Variants in MACROD2 observed in about 807,000 individuals in gnomAD.
The protein encoded by MACROD2 is mono-ADP ribosylhydrolase 2, also known as ADP-ribose glycohydrolase MACROD2.
A neutral mutation model predicts 70.4 loss-of-function variants in MACROD2; 36 were observed. The observed-to-expected ratio is 0.51, with a 90% CI of 0.39 to 0.68. MACROD2 has a LOEUF of 0.68. Ranked by LOEUF, MACROD2 falls within the 30% of genes least tolerant of loss-of-function variation. MACROD2 has a pLI of 0.00. For missense variants in MACROD2, 496 were observed against 538.4 expected, an observed-to-expected ratio of 0.92 and a Z score of 0.78; for synonymous variants, 172 against 178.8, an observed-to-expected ratio of 0.96 and a Z score of 0.30.
chr20:14,181,026 A>C (rs2081300995), intron 3 of MACROD2, among the ~76,000 whole-genome samples: 1 of 151,706 alleles, frequency 6.6e-6, no homozygotes, highest in African/African-American at 2.4e-5. Flanking sequence ...CTGTAGTTTC[A>C]GTTAATTAAT....
At chr20:15,500,114 T>A (rs1047322378) in intron 8 of MACROD2, among the ~76,000 whole-genome samples, 4 of 152,130 alleles carry the variant, frequency 2.6e-5, no homozygotes, top group Non-Finnish European at 4.4e-5. Context: ...ATAGTATGGG[T>A]TATATGTGTG....
intron 2 of MACROD2, among the ~76,000 whole-genome samples, chr20:14,058,246 A>G (rs148077283): frequency 1.3e-5 from 2 of 152,262 alleles, no homozygotes; most frequent in Non-Finnish European, 2.9e-5. Flanking sequence ...AGCAAAAAAT[A>G]CTGCTTTAGT....
intron 8 of MACROD2, among the ~76,000 whole-genome samples, chr20:15,579,497 G>A (rs935095492): frequency 1.3e-5 from 2 of 152,128 alleles, no homozygotes; most frequent in Non-Finnish European, 2.9e-5. Flanking sequence ...GCTAGGCACA[G>A]CATTTCATAT....
intron 3 of MACROD2, chr20:14,327,066 C>T: frequency 6.2e-7 from 1 of 1,613,736 alleles, no homozygotes; most frequent in Non-Finnish European, 8.5e-7. Context: ...GGAATGCTCC[C>T]TCTTCTATGC....
chr20:15,750,322 G>A lies in MACROD2; in HGVS notation c.646-112423G>A, dbSNP rs561906445. 2.4e-4 allele frequency among the ~76,000 whole-genome samples: 36 copies of A among 152,086 alleles called. No individual in the cohort carries two copies. In the East Asian group the frequency reaches 6.6e-3, roughly 28 times the overall value. On this transcript the variant is annotated intron_variant, in intron 8 of 17. Transcript: ENST00000684519. ...GATACCACCTCACTCCAGTGAGAAT[G>A]GCTATAATTAAAAATACTTTTTAAA...
At chr20:14,142,974 C>T (rs756549794) in intron 3 of MACROD2, among the ~76,000 whole-genome samples, 28 of 152,136 alleles carry the variant, frequency 1.8e-4, no homozygotes, top group Non-Finnish European at 3.4e-4. Context: ...TGCACACACA[C>T]GAAATATAAT....
chr20:14,956,394 A>G (rs1326516317), intron 5 of MACROD2, among the ~76,000 whole-genome samples: 2 of 152,210 alleles, frequency 1.3e-5, no homozygotes, highest in East Asian at 3.8e-4. Context: ...CACGTGAAAT[A>G]AATTAGCCCT....
chr20:14,619,431 A>G (rs1186173969), intron 4 of MACROD2, among the ~76,000 whole-genome samples: 1,341 of 5,438 alleles, frequency 0.25, 145 homozygotes, highest in African/African-American at 0.43. Flanking sequence ...GGAAGGAAGG[A>G]AGGGAGGGAG....
chr20:16,045,216 G>T (rs1480158702), intron 17 of MACROD2, among the ~76,000 whole-genome samples: 6 of 152,048 alleles, frequency 3.9e-5, no homozygotes, highest in Non-Finnish European at 7.4e-5. Context: ...GGTTTGTTAC[G>T]TTGAATGAGC....
intron 5 of MACROD2, among the ~76,000 whole-genome samples, chr20:15,096,445 AAT>A (rs1491405274): frequency 1.5e-5 from 2 of 137,752 alleles, no homozygotes; most frequent in African/African-American, 2.6e-5. Context: ...ATCCCATGCT[AAT>A]ATATATATAA....
At chr20:15,312,517 T>C (rs983752527) in intron 6 of MACROD2, among the ~76,000 whole-genome samples, 51 of 152,322 alleles carry the variant, frequency 3.3e-4, no homozygotes, top group African/African-American at 1.2e-3. Flanking sequence ...TGTATGCTTT[T>C]TCTACGTTTG....
chr20:15,328,919 A>G (rs1568725279), intron 6 of MACROD2, among the ~76,000 whole-genome samples: 1 of 152,142 alleles, frequency 6.6e-6, no homozygotes, highest in Non-Finnish European at 1.5e-5. Context: ...TATATATAAA[A>G]TAGTGATAAA....
intron 5 of MACROD2, among the ~76,000 whole-genome samples, chr20:15,190,739 A>T (rs1218524958): frequency 6.6e-6 from 1 of 152,184 alleles, no homozygotes; most frequent in Admixed American, 6.5e-5. Flanking sequence ...AAGGGTGCAC[A>T]GGAGGCCTTA....
intron 2 of MACROD2, among the ~76,000 whole-genome samples, chr20:14,062,757 TTTAAAG>T (rs1430926144): frequency 6.6e-6 from 1 of 151,970 alleles, no homozygotes; most frequent in Non-Finnish European, 1.5e-5. Flanking sequence ...TGACTTAGAG[TTTAAAG>T]TTAGAGGAGT....
intron 8 of MACROD2, among the ~76,000 whole-genome samples, chr20:15,555,828 CAAAAAAAAAAAAA>C (rs397838341): frequency 5.4e-5 from 1 of 18,566 alleles, no homozygotes; most frequent in African/African-American, 1.7e-4. Context: ...GACTCCATCT[CAAAAAAAAAAAAA>C]AAAAAAAAAA....
At chr20:15,327,928 A>C (rs1328466000) in intron 6 of MACROD2, among the ~76,000 whole-genome samples, 3 of 152,138 alleles carry the variant, frequency 2.0e-5, no homozygotes, top group African/African-American at 7.2e-5. Flanking sequence ...TCAGTTAATG[A>C]AACAGAATTA....
intron 4 of MACROD2, among the ~76,000 whole-genome samples, chr20:14,585,546 GA>G (rs1244638307): frequency 4.0e-5 from 6 of 151,784 alleles, no homozygotes; most frequent in Non-Finnish European, 7.4e-5. Flanking sequence ...TATATAATGG[GA>G]TATATTATAT....
rs571302524 is a variant in MACROD2 at position 14,276,269 on chromosome 20, C to T, written c.271+190541C>T. Among the ~76,000 whole-genome samples, 7 of 150,866 alleles carry T rather than the reference C, an allele frequency of 4.6e-5. No individual in the cohort carries two copies. In the South Asian group the frequency reaches 8.4e-4, roughly 18 times the overall value. ...TAGACTGGATTAAGAAAATGTGGCACATATACACCATGGAATACTATGCAG... is the reference window on the plus strand; with the variant it reads ...TAGACTGGATTAAGAAAATGTGGCATATATACACCATGGAATACTATGCAG... On this transcript the variant is annotated intron_variant, in intron 3 of 17. Coordinates refer to ENST00000684519, the MANE Select transcript of MACROD2 (RefSeq NM_001351661.2).
intron 15 of MACROD2, among the ~76,000 whole-genome samples, chr20:16,005,024 C>A (rs2066768842): frequency 6.6e-6 from 1 of 152,194 alleles, no homozygotes; most frequent in African/African-American, 2.4e-5. Flanking sequence ...TACAGTCATT[C>A]TTTCCTTATT....
Sources: allele counts gnomAD v4.1 joint callset (sites outside exome capture counted in the v4.1 genomes callset), GRCh38; gene constraint gnomAD v4.1.1; transcripts MANE v1.5; gene names NCBI Gene and HGNC (gene_info 2026-07-23, HGNC 2026-07-21).